Variants in ESAM observed in about 807,000 individuals in gnomAD.
ESAM encodes the protein endothelial cell adhesion molecule.
A neutral mutation model predicts 31.8 loss-of-function variants in ESAM; 23 were observed. The ratio of observed to expected loss-of-function variants is 0.72; its 90% confidence interval spans 0.52 to 1.03. The LOEUF (loss-of-function observed/expected upper bound fraction) is 1.03. ESAM is among the 50% of genes least tolerant of loss of function. The pLI is 0.00. For synonymous variants in ESAM, 216 were observed against 207.2 expected, an observed-to-expected ratio of 1.04 and a Z score of -0.37; for missense variants, 478 against 488.9, an observed-to-expected ratio of 0.98 and a Z score of 0.21.
In ESAM at chr11:124,753,974, G is replaced by T. The variant is rs762995831; in HGVS notation, c.858-13C>A. On this transcript the variant is annotated splice_polypyrimidine_tract_variant and intron_variant, in intron 6 of 6. Coordinates refer to ENST00000278927, the MANE Select transcript of ESAM (RefSeq NM_138961.3). ...AATGGCATCCTCCCTAGTCATCAAAGAAATAACAAGAGGTCAGAAGTGGGT... is the reference window on the plus strand; with the variant it reads ...AATGGCATCCTCCCTAGTCATCAAATAAATAACAAGAGGTCAGAAGTGGGT... The T allele has an allele frequency of 2.5e-6, 4 of 1,611,720 alleles. No homozygotes were observed. The East Asian group carries it at 8.9e-5, about 36-fold the overall frequency.
rs1023031070 is a variant in ESAM, at chr11:124,754,498, C to T, written c.730+143G>A. 2.1e-5 allele frequency: 32 copies of T among 1,502,066 alleles called. No individual in the cohort carries two copies. Among genetic ancestry groups the T allele is most frequent in the Non-Finnish European group, 2.7e-5 (30 of 1,117,450 alleles). 93.0% of individuals were successfully genotyped at this position (1,502,066 alleles called of 1,614,324 possible). On this transcript the variant is annotated intron_variant, in intron 5 of 6. Transcript: ENST00000278927. The surrounding 1 kb of genome is among the most constrained non-coding windows in gnomAD (Gnocchi z 4.5). Reference sequence around the variant, plus strand: ...TGAGCAGGAAATGACCAGTCACTGACCAACCATTTGTACAAACATTTGATC... The same window carrying T: ...TGAGCAGGAAATGACCAGTCACTGATCAACCATTTGTACAAACATTTGATC...
intron 4 of ESAM, 130 bp downstream of exon 4, chr11:124,756,077 T>C: frequency 1.5e-6 from 2 of 1,292,426 alleles, no homozygotes; most frequent in African/African-American, 2.9e-5. Flanking sequence ...CCCCACATCC[T>C]CCCCACATCC....
chr11:124,756,055 C>T, intron 4 of ESAM, 152 bp downstream of exon 4: 2 of 1,040,066 alleles, frequency 1.9e-6, no homozygotes, highest in South Asian at 1.5e-5. Context: ...CCTGGCAGGG[C>T]ATCTTTCTCT....
In ESAM at chr11:124,762,126, G is replaced by A; in HGVS notation, c.29C>T (p.Thr10Ile). 2.2e-5 allele frequency: 35 copies of A among 1,609,594 alleles called. No homozygotes were observed. Among genetic ancestry groups the A allele is most frequent in the Non-Finnish European group, 3.0e-5 (35 of 1,177,870 alleles). The change falls in exon 1 of 7, where the codon ACC becomes ATC. Residue 10 changes from threonine to isoleucine, a missense_variant. By Grantham distance (89) the Thr-to-Ile change is moderately conservative. Transcript: ENST00000278927. This position sits in a 1 kb window ranked among gnomAD's most constrained non-coding sequence, Gnocchi z 6.4. MISLPGPLV[T>I]NLLRFLFLGL... ...CAGGAACAAAAACCGCAGCAAGTTGGTCACCAGGGGCCCCGGGAGGGAAAT... is the reference window on the plus strand; with the variant it reads ...CAGGAACAAAAACCGCAGCAAGTTGATCACCAGGGGCCCCGGGAGGGAAAT...
chr11:124,760,750 T>C (rs1944219562), intron 1 of ESAM, among the ~76,000 whole-genome samples: 1 of 152,212 alleles, frequency 6.6e-6, no homozygotes, highest in Non-Finnish European at 1.5e-5. Flanking sequence ...AGGTGAAGCC[T>C]GGGACACTCA....
intron 2 of ESAM, 72 bp downstream of exon 2, chr11:124,758,277 C>G (rs1017132556): frequency 1.3e-6 from 2 of 1,586,356 alleles, no homozygotes; most frequent in Admixed American, 1.7e-5. Context: ...CCCCTCCCAC[C>G]GCTACCAGCT....
intron 1 of ESAM, among the ~76,000 whole-genome samples, chr11:124,758,761 G>C (rs1944188508): frequency 6.6e-6 from 1 of 152,206 alleles, no homozygotes; most frequent in Non-Finnish European, 1.5e-5. Context: ...GTTGTAGCGG[G>C]GATGGGGACA....
chr11:124,755,522 T>G (rs1276492151), intron 4 of ESAM, among the ~76,000 whole-genome samples: 2 of 152,106 alleles, frequency 1.3e-5, no homozygotes, highest in East Asian at 1.9e-4. Context: ...CCAACAAACC[T>G]GTGAGGTAAT....
intron 4 of ESAM, among the ~76,000 whole-genome samples, chr11:124,755,440 T>C (rs929655500): frequency 6.6e-6 from 1 of 152,074 alleles, no homozygotes; most frequent in African/African-American, 2.4e-5. Flanking sequence ...AAACAGTGAA[T>C]GTTTATTGGC....
rs114822897 is a variant in ESAM, at chr11:124,753,697, A to T, written c.1122T>A (p.Gly374=). 1 of 1,613,966 alleles carries T rather than the reference A, an allele frequency of 6.2e-7. No individual in the cohort carries two copies. Among genetic ancestry groups the T allele is most frequent in the South Asian group, 1.1e-5 (1 of 91,086 alleles). ...GGGCAGGCACCATCACAGGCACAGC[A>T]CCCATGCGGCTCAAGCCAGAGGAAG... is the stretch of plus-strand genomic sequence containing the variant. The part of the protein sequence containing the change: ...GVSSSGLSRM[G]AVPVMVPAQS... The change falls in exon 7 of 7, where the codon GGT becomes GGA. Residue 374 remains glycine, a synonymous_variant. Transcript: ENST00000278927.
Position 124,758,462 on chromosome 11 carries a change from C to T in ESAM, c.136G>A (p.Gly46Arg), listed in dbSNP as rs370398210. The T allele has an allele frequency of 1.2e-5, 20 of 1,612,836 alleles. No homozygotes were observed. The African/African-American group carries it at 2.1e-4, about 17-fold the overall frequency. Residue 46 changes from glycine (G) to arginine (R), a missense_variant, in exon 2 of 7, where the codon GGG (glycine) becomes AGG (arginine). Coordinates refer to ENST00000278927, the MANE Select transcript of ESAM (RefSeq NM_138961.3). Reference sequence around the variant, plus strand: ...TACCACGCTGGAAGCACCACTTCCCCTCCCTCCACCGCCTGCAACCGGTTG... The same window carrying T: ...TACCACGCTGGAAGCACCACTTCCCTTCCCTCCACCGCCTGCAACCGGTTG... ...PANRLQAVEG[G>R]EVVLPAWYTL... is the part of the protein sequence containing the mutation.
intron 2 of ESAM, 156 bp from the exon 3 acceptor site, chr11:124,756,898 C>T (rs899995060): frequency 1.2e-5 from 9 of 732,852 alleles, no homozygotes; most frequent in Non-Finnish European, 2.0e-5. Flanking sequence ...CCTTTTGTCC[C>T]TAGCCCCCTC....
Position 124,758,522 on chromosome 11 carries a change from G to T in ESAM, c.76C>A (p.Pro26Thr), listed in dbSNP as rs1316403373. 3 of 1,557,552 alleles carry T rather than the reference G, an allele frequency of 1.9e-6. No homozygotes were observed. The African/African-American group carries it at 4.1e-5, about 21-fold the overall frequency. The change falls in exon 2 of 7, where the codon CCC (proline) becomes ACC (threonine). Residue 26 changes from proline (P) to threonine (T), a missense_variant. Physicochemically the swap from Pro to Thr is conservative, Grantham distance 38 (BLOSUM62 -1). Coordinates refer to ENST00000278927, the MANE Select transcript of ESAM (RefSeq NM_138961.3). ...TGCAGTTGCAGCTGGGCCCGCGAGG[G>T]GGGCGCTGGAGACAAGAGCGAGGCG... ...LFLGLSALAP[P>T]SRAQLQLHLP...
rs1944159841 is a variant in ESAM, at chr11:124,756,725, A to G, written c.267T>C (p.Asn89=). ...CTCCAGGTTTGCTTGTTGTGACCCC[A>G]TTGATGTAGGACAACACCTGGTGTG... ...EKEDQVLSYI[N]GVTTSKPGVS... Residue 89 remains asparagine (N), a synonymous_variant, in exon 3 of 7, where the codon AAT becomes AAC. Coordinates refer to ENST00000278927, the MANE Select transcript of ESAM (RefSeq NM_138961.3). 1.2e-6 allele frequency: 2 copies of G among 1,614,076 alleles called. No individual in the cohort carries two copies. Among genetic ancestry groups the G allele is most frequent in the East Asian group, 2.2e-5 (1 of 44,864 alleles).
In ESAM at chr11:124,753,548, G is replaced by C; in HGVS notation, c.*98C>G. On this transcript the variant is annotated 3_prime_UTR_variant, in exon 7 of 7. Coordinates refer to ENST00000278927, the MANE Select transcript of ESAM (RefSeq NM_138961.3). ...GTGGGGGCAGAGTACTAAGGGTCAG[G>C]AGTGTGACTCTTTCCCATGACTCAG... 7.5e-7 allele frequency: 1 copy of C among 1,342,126 alleles called. No homozygotes were observed. The allele number at this position is 1,342,126 out of a possible 1,614,324, so 83.1% of individuals were successfully genotyped here.
intron 4 of ESAM, 24 bp downstream of exon 4, chr11:124,756,183 C>T (rs767004846): frequency 6.2e-7 from 1 of 1,612,656 alleles, no homozygotes; most frequent in South Asian, 1.1e-5. Flanking sequence ...CCACAGTGTC[C>T]ACTGTTTCCA....
At chr11:124,755,635 C>A (rs900996148) in intron 4 of ESAM, among the ~76,000 whole-genome samples, 7 of 151,774 alleles carry the variant, frequency 4.6e-5, no homozygotes, top group African/African-American at 1.7e-4. Context: ...CTAGATCCAA[C>A]AGTTGCTAAC....
chr11:124,756,827 GC>G, intron 2 of ESAM, 85 bp from the exon 3 acceptor site: 1 of 1,424,854 alleles, frequency 7.0e-7, no homozygotes, highest in Non-Finnish European at 9.7e-7. Context: ...CCCCCAGCTC[GC>G]ATTCTCCAAA....
At position 124,753,425 on chromosome 11, in the gene ESAM, G is replaced by C; in HGVS notation, c.*221C>G. The C allele has an allele frequency of 5.3e-6, 3 of 570,594 alleles. No homozygotes were observed. The highest frequency in any genetic ancestry group is 9.2e-6 in the Non-Finnish European group (3 of 325,908). The allele number at this position is 570,594 out of a possible 1,614,324, so 35.3% of individuals were successfully genotyped here. ...GCTTCATAAGGAGGAGTCAGGGGTG[G>C]GTGGAGGCTCCTCCCAATTCCAGAT... On this transcript the variant is annotated 3_prime_UTR_variant, in exon 7 of 7. Transcript: ENST00000278927.
Sources: gnomAD v4.1 joint callset for allele counts (sites outside exome capture counted in the v4.1 genomes callset) on GRCh38, gnomAD v4.1.1 for gene constraint, Gnocchi (gnomAD v3.1) non-coding constraint, MANE v1.5 for transcripts, NCBI Gene and HGNC (gene_info 2026-07-23, HGNC 2026-07-21) for gene names.